Variants in APOO observed in about 807,000 individuals in gnomAD.
APOO encodes the protein apolipoprotein O.
APOO carries 11 observed loss-of-function variants against 23.1 expected under a neutral mutation model. That is an observed-to-expected ratio of 0.48 (90% CI 0.30 to 0.79). The LOEUF (loss-of-function observed/expected upper bound fraction) is 0.79, where lower values mean the gene tolerates loss of function less well. APOO is among the 30% of genes least tolerant of loss of function. The pLI, the probability that APOO is intolerant of heterozygous loss-of-function variation, is 0.07. For synonymous variants in APOO, 59 were observed against 54.8 expected, an observed-to-expected ratio of 1.08 and a Z score of -0.34; for missense variants, 160 against 142.7, an observed-to-expected ratio of 1.12 and a Z score of -0.62.
intron 7 of APOO, among the ~76,000 whole-genome samples, chrX:23,848,131 C>T (rs988213940): frequency 9.3e-6 from 1 of 108,057 alleles, no homozygotes; most frequent in Non-Finnish European, 1.9e-5. Flanking sequence ...CTTCAGCCCC[C>T]CAAAGTGCTG....
chrX:23,876,098 C>T (rs1301656644), intron 3 of APOO, among the ~76,000 whole-genome samples: 3 of 109,474 alleles, frequency 2.7e-5, no homozygotes, highest in African/African-American at 1.0e-4. Flanking sequence ...CTGGTCTCTA[C>T]TAGAAATACA....
intron 1 of APOO, among the ~76,000 whole-genome samples, chrX:23,904,375 TTC>T (rs1927260426): frequency 9.0e-6 from 1 of 111,212 alleles, no homozygotes; most frequent in African/African-American, 3.3e-5. Flanking sequence ...TGGGAGTTTT[TTC>T]TCTCTCCTCC....
chrX:23,893,868 G>A (rs1430827661), intron 1 of APOO, among the ~76,000 whole-genome samples: 10 of 110,388 alleles, frequency 9.1e-5, no homozygotes, highest in East Asian at 2.8e-4. Context: ...CACCATGCCC[G>A]GCCAGCAATC....
intron 4 of APOO, among the ~76,000 whole-genome samples, chrX:23,870,849 G>C (rs1288569478): frequency 9.0e-6 from 1 of 110,836 alleles, no homozygotes; most frequent in Non-Finnish European, 1.9e-5. Context: ...CCAGCACTTT[G>C]GGAGGCCGAT....
At chrX:23,869,448 T>G (rs1445217217) in intron 4 of APOO, among the ~76,000 whole-genome samples, 1 of 109,045 alleles carries the variant, frequency 9.2e-6, no homozygotes, top group Non-Finnish European at 1.9e-5. Flanking sequence ...GCTTGCTCTC[T>G]GAAACTCAGG....
intron 7 of APOO, among the ~76,000 whole-genome samples, chrX:23,847,351 G>A (rs367614468): frequency 3.1e-4 from 34 of 111,433 alleles, no homozygotes; most frequent in African/African-American, 9.8e-4. Context: ...TCTTGGCCAG[G>A]CGCAGCGGCT....
chrX:23,905,485 C>T (rs781745733), intron 1 of APOO, among the ~76,000 whole-genome samples: 1 of 110,961 alleles, frequency 9.0e-6, no homozygotes, highest in African/African-American at 3.3e-5. Flanking sequence ...CCAGCACTTC[C>T]CCCAATGGAA....
Position 23,858,777 on chromosome X carries a change from C to G in APOO, c.389-44G>C, listed in dbSNP as rs1349337660. On this transcript the variant is annotated intron_variant, in intron 5 of 8. Transcript: ENST00000379226. ...TACACGCCATCAGATGATTCATTAT[C>G]CTCACCATCACAATTTACCTTATCC... is the stretch of plus-strand genomic sequence containing the variant. The G allele has an allele frequency of 4.6e-6, 5 of 1,080,785 alleles. No individual in the cohort carries two copies. In the Admixed American group the frequency reaches 1.2e-4, roughly 25 times the overall value. 89.1% of individuals were successfully genotyped at this position (1,080,785 alleles called of 1,213,427 possible).
intron 4 of APOO, among the ~76,000 whole-genome samples, chrX:23,869,200 C>A (rs970939743): frequency 9.1e-6 from 1 of 110,424 alleles, no homozygotes; most frequent in Admixed American, 9.8e-5. Flanking sequence ...TGAGCCACTG[C>A]GCCCGGCTGC....
intron 1 of APOO, among the ~76,000 whole-genome samples, chrX:23,907,245 T>G (rs1359950649): frequency 1.2e-5 from 1 of 83,736 alleles, no homozygotes; most frequent in Non-Finnish European, 2.3e-5. Context: ...CACCCCAGCC[T>G]CCCCCATACC....
intron 8 of APOO, 106 bp from the exon 9 acceptor site, chrX:23,833,718 A>G (rs2146955588): frequency 8.9e-6 from 1 of 112,756 alleles, no homozygotes; most frequent in East Asian, 2.8e-4. Context: ...GCGGTGGCCC[A>G]TGCCTGTAAT....
At chrX:23,892,275 G>A (rs1170045481) in intron 1 of APOO, among the ~76,000 whole-genome samples, 1 of 103,995 alleles carries the variant, frequency 9.6e-6, no homozygotes, top group Non-Finnish European at 2.0e-5. Context: ...TTTTTGAGAC[G>A]GAGTCTCGCA....
chrX:23,860,997 A>C (rs750705817), intron 5 of APOO, among the ~76,000 whole-genome samples: 1 of 110,138 alleles, frequency 9.1e-6, no homozygotes, highest in Non-Finnish European at 1.9e-5. Context: ...AAAATTAGTA[A>C]GGTGTGGTGG....
chrX:23,855,503 G>T (rs751158312), intron 7 of APOO, among the ~76,000 whole-genome samples: 1 of 110,588 alleles, frequency 9.0e-6, no homozygotes, highest in South Asian at 3.8e-4. Context: ...TTTTTAAAAA[G>T]TATTTTCATT....
chrX:23,891,835 G>GTA (rs929281661), intron 1 of APOO, among the ~76,000 whole-genome samples: 3 of 107,539 alleles, frequency 2.8e-5, no homozygotes, highest in African/African-American at 6.7e-5. Flanking sequence ...TAAACTATAT[G>GTA]TATATATATA....
chrX:23,849,309 T>C (rs1343995440), intron 7 of APOO, among the ~76,000 whole-genome samples: 1 of 108,361 alleles, frequency 9.2e-6, no homozygotes, highest in Non-Finnish European at 1.9e-5. Flanking sequence ...CTAAAACCAA[T>C]AAAAACAAAG....
chrX:23,854,976 G>A (rs182391969), intron 7 of APOO, among the ~76,000 whole-genome samples: 9 of 110,400 alleles, frequency 8.2e-5, no homozygotes, highest in Admixed American at 7.8e-4. Flanking sequence ...AAATAGGCTC[G>A]AGAAGGACTA....
chrX:23,905,686 C>CA (rs111900941), intron 1 of APOO, among the ~76,000 whole-genome samples: 1 of 111,953 alleles, frequency 8.9e-6, no homozygotes, highest in African/African-American at 3.2e-5. Flanking sequence ...TAATTGCATA[C>CA]AAAAAAGTCC....
In APOO at chrX:23,891,612, TTG is replaced by T. The variant is rs1209367825; in HGVS notation, c.10-10662_10-10661del. ...CTGGGCCTCTCCCTAAGCCTCAGGC[TTG>T]TGTGTTTCCTGTGTTTCTAACTCCC... is the stretch of plus-strand genomic sequence containing the variant. On this transcript the variant is annotated intron_variant, in intron 1 of 8. Coordinates refer to ENST00000379226, the MANE Select transcript of APOO (RefSeq NM_024122.5). 9.8e-5 allele frequency among the ~76,000 whole-genome samples: 11 copies of T among 111,914 alleles called. No individual in the cohort carries two copies. The Admixed American group carries it at 1.1e-3, about 11-fold the overall frequency.
Sources: allele counts gnomAD v4.1 joint callset (sites outside exome capture counted in the v4.1 genomes callset), GRCh38; gene constraint gnomAD v4.1.1; transcripts MANE v1.5; gene names NCBI Gene and HGNC (gene_info 2026-07-23, HGNC 2026-07-21).